CDH23: variants seen among roughly 807,000 people sequenced by gnomAD.
CDH23 encodes the protein cadherin related 23.
CDH23 carries 189 observed loss-of-function variants against 317.1 expected under a neutral mutation model. That is an observed-to-expected ratio of 0.60 (90% CI 0.53 to 0.67). CDH23 has a LOEUF of 0.67. Among genes scored for constraint, CDH23 ranks in the 30% least tolerant of loss-of-function variants. CDH23 has a pLI of 0.00. For missense variants in CDH23, 4,401 were observed against 4,592.4 expected (o/e 0.96, Z 1.20); for synonymous variants, 1,839 against 1,876.8 (o/e 0.98, Z 0.52).
Position 71,447,952 on chromosome 10 carries a change from T to C in CDH23, c.145+1557T>C, listed in dbSNP as rs1850250549. Among the ~76,000 whole-genome samples, 2 of 152,186 alleles carry C rather than the reference T, an allele frequency of 1.3e-5. 1 individual carries two copies. Among genetic ancestry groups the C allele is most frequent in the South Asian group, 4.1e-4 (2 of 4,830 alleles). On this transcript the variant is annotated intron_variant, in intron 3 of 69. Coordinates refer to ENST00000224721, the MANE Select transcript of CDH23 (RefSeq NM_022124.6). ...GCAGATGGATGTGCTGTTAGCAGCA[T>C]TTATCATTATTCATGTCCATTTAAA... is the stretch of plus-strand genomic sequence containing the variant.
rs186178633 is a variant in CDH23, at chr10:71,611,411, G to A, written c.833-4093G>A. On this transcript the variant is annotated intron_variant, in intron 9 of 69. Transcript: ENST00000224721. The stretch of plus-strand genomic sequence containing the variant: ...GCGAGGCTCTCCTGGCAAAAGTGTG[G>A]GGTTGGCTCAGTGTCACTGCTGGGA... 3.2e-4 allele frequency among the ~76,000 whole-genome samples: 48 copies of A among 152,294 alleles called. No homozygotes were observed. In the East Asian group the frequency reaches 8.3e-3, roughly 26 times the overall value.
chr10:71,800,786 C>T (rs1308746069), intron 53 of CDH23, 31 bp downstream of exon 53: 1 of 1,610,012 alleles, frequency 6.2e-7, no homozygotes, highest in South Asian at 1.1e-5. Context: ...CCAGGGATGA[C>T]AGGGACTGGG....
chr10:71,490,063 A>C (rs1852570592), intron 3 of CDH23, among the ~76,000 whole-genome samples: 1 of 151,984 alleles, frequency 6.6e-6, no homozygotes, highest in Non-Finnish European at 1.5e-5. Context: ...GGGTGGGGCA[A>C]GATTCTGCCT....
intron 41 of CDH23, among the ~76,000 whole-genome samples, 159 bp downstream of exon 41, chr10:71,779,606 C>T (rs1840902523): frequency 6.6e-6 from 1 of 152,226 alleles, no homozygotes. Context: ...TGGAAATAAT[C>T]TTCTCCCACC....
chr10:71,497,419 C>T (rs923901389), intron 3 of CDH23, among the ~76,000 whole-genome samples: 3 of 152,096 alleles, frequency 2.0e-5, no homozygotes, highest in Admixed American at 1.3e-4. Flanking sequence ...TGGGAGCTGC[C>T]GCAAGGATTC....
chr10:71,605,671 A>T (rs1218074086), intron 9 of CDH23, among the ~76,000 whole-genome samples: 12 of 152,218 alleles, frequency 7.9e-5, no homozygotes, highest in Admixed American at 7.9e-4. Context: ...AAAACACATC[A>T]TAAACACATC....
At chr10:71,591,258 G>A (rs2132446134) in intron 9 of CDH23, among the ~76,000 whole-genome samples, 1 of 152,266 alleles carries the variant, frequency 6.6e-6, no homozygotes, top group African/African-American at 2.4e-5. Flanking sequence ...TACTCCCAAG[G>A]GATGATTTTA....
At chr10:71,685,950 T>C (rs1227091) in intron 18 of CDH23, among the ~76,000 whole-genome samples, 49,084 of 151,982 alleles carry the variant, frequency 0.32, 8,578 homozygotes, top group South Asian at 0.45. Flanking sequence ...ATGAAGTTGT[T>C]GATGGCAGCA....
At position 71,739,678 on chromosome 10, in the gene CDH23, G is replaced by A; in HGVS notation, c.4394G>A (p.Gly1465Glu). 1.2e-6 allele frequency: 2 copies of A among 1,613,274 alleles called. No individual in the cohort carries two copies. The highest frequency in any genetic ancestry group is 1.7e-6 in the Non-Finnish European group (2 of 1,179,606). The change falls in exon 36 of 70, where the codon GGG becomes GAG. Residue 1465 changes from glycine (G) to glutamate (E), a missense_variant. Transcript: ENST00000224721. ...TCCCTGGCCTCTGGCAACATCGCGG[G>A]GGCCTTTGAGATCGTCACCACCAAT... The part of the protein sequence containing the change: ...VFSLASGNIA[G>E]AFEIVTTNDS...
intron 18 of CDH23, among the ~76,000 whole-genome samples, chr10:71,684,030 G>A (rs528760025): frequency 2.6e-5 from 4 of 151,950 alleles, no homozygotes; most frequent in South Asian, 2.1e-4. Context: ...GCAGTGAGCC[G>A]AGATCGCACC....
Position 71,751,727 on chromosome 10 carries a change from G to A in CDH23, c.4845+9806G>A, listed in dbSNP as rs143240262. ...AGGAGACAGGGGGGTGCTGGGCTCC[G>A]AAAGCAGATGCCGCCCAGACTCAGA... On this transcript the variant is annotated intron_variant, in intron 38 of 69. Transcript: ENST00000224721. This position sits in a 1 kb window ranked among gnomAD's most constrained non-coding sequence, Gnocchi z 4.9. The A allele has an allele frequency of 4.8e-3, 7,640 of 1,585,754 alleles. 25 individuals are homozygous for A. The highest frequency in any genetic ancestry group is 6.0e-3 in the Non-Finnish European group (7,020 of 1,167,406).
intron 12 of CDH23, 24 bp downstream of exon 12, chr10:71,643,890 G>GGGTT: frequency 1.3e-6 from 1 of 766,200 alleles, no homozygotes; most frequent in Non-Finnish European, 2.4e-6. Context: ...TGAAGGGCAG[G>GGGTT]GGTTGGGCTT....
chr10:71,814,776 C>T (rs190114595), intron 69 of CDH23, among the ~76,000 whole-genome samples, 176 bp from the exon 70 acceptor site: 2 of 152,286 alleles, frequency 1.3e-5, no homozygotes, highest in East Asian at 3.9e-4. Context: ...AACCCATCTG[C>T]AGCAACTTAA....
chr10:71,567,296 T>C (rs1311297644), intron 7 of CDH23, among the ~76,000 whole-genome samples: 1 of 152,184 alleles, frequency 6.6e-6, no homozygotes, highest in Non-Finnish European at 1.5e-5. Flanking sequence ...CCTTGAGACA[T>C]TCTTAGTGCA....
At chr10:71,756,653 T>G (rs1017524926) in intron 38 of CDH23, among the ~76,000 whole-genome samples, 1 of 152,230 alleles carries the variant, frequency 6.6e-6, no homozygotes, top group African/African-American at 2.4e-5. Flanking sequence ...ATCTGCTGAC[T>G]GCAGGAGTTT....
chr10:71,723,356 C>G (rs75793559), intron 28 of CDH23, among the ~76,000 whole-genome samples: 3,201 of 152,262 alleles, frequency 0.021, 116 homozygotes, highest in African/African-American at 0.074. Flanking sequence ...AGGCTGCACT[C>G]CTTGTAAAAA....
chr10:71,440,609 C>T (rs1405673849), intron 2 of CDH23, among the ~76,000 whole-genome samples: 1 of 152,198 alleles, frequency 6.6e-6, no homozygotes, highest in Non-Finnish European at 1.5e-5. Context: ...CCTCTGCCCT[C>T]CTTTCCTGGC....
intron 28 of CDH23, among the ~76,000 whole-genome samples, chr10:71,723,572 G>A (rs922898150): frequency 2.0e-5 from 3 of 152,212 alleles, no homozygotes; most frequent in Non-Finnish European, 4.4e-5. Flanking sequence ...CGAAGTGACC[G>A]TTACAGTGTA....
chr10:71,671,357 C>A (rs1014083512), intron 14 of CDH23, among the ~76,000 whole-genome samples: 1 of 152,104 alleles, frequency 6.6e-6, no homozygotes, highest in Non-Finnish European at 1.5e-5. Flanking sequence ...GCCTGTGAGA[C>A]CCTGGAAGTT....
Sources: allele counts gnomAD v4.1 joint callset (sites outside exome capture counted in the v4.1 genomes callset), GRCh38; gene constraint gnomAD v4.1.1; non-coding constraint Gnocchi (gnomAD v3.1); transcripts MANE v1.5; gene names NCBI Gene and HGNC (gene_info 2026-07-23, HGNC 2026-07-21).